Variants in PTPN2 observed in about 807,000 individuals in gnomAD.
The protein encoded by PTPN2 is tyrosine-protein phosphatase non-receptor type 2.
Under a neutral mutation model 57.3 loss-of-function variants are expected in PTPN2, and 19 were observed. The observed-to-expected ratio is 0.33, with a 90% CI of 0.23 to 0.49. PTPN2 has a LOEUF of 0.49. PTPN2 is among the 20% of genes least tolerant of loss of function. The pLI is 0.99. For missense variants in PTPN2, 358 were observed against 501.1 expected (o/e 0.71, Z 2.73); for synonymous variants, 153 against 164.9 (o/e 0.93, Z 0.55).
chr18:12,875,243 T>C lies in PTPN2; in HGVS notation c.69+8830A>G, dbSNP rs1381165581. ...ACTTGTTTATCTGCTGACCTTCCCT[T>C]CACTATTGTCCTATGACCCTGCCAA... On this transcript the variant is annotated intron_variant, in intron 1 of 8. Coordinates refer to ENST00000309660, the MANE Select transcript of PTPN2 (RefSeq NM_002828.4). Among the ~76,000 whole-genome samples, 55 of 151,938 alleles carry C rather than the reference T, an allele frequency of 3.6e-4. 1 individual carries two copies. Among genetic ancestry groups the C allele is most frequent in the Middle Eastern group, 3.4e-3 (1 of 292 alleles).
intron 1 of PTPN2, among the ~76,000 whole-genome samples, chr18:12,874,585 G>T (rs1217394804): frequency 7.7e-6 from 1 of 129,300 alleles, no homozygotes; most frequent in African/African-American, 2.9e-5. Flanking sequence ...GGAGGGAGGT[G>T]GGGGGTTCAG....
chr18:12,875,117 G>C lies in PTPN2; in HGVS notation c.69+8956C>G, dbSNP rs183417808. ...ACAGATGCTTGAAGGCAGCATGCTCGTTAACAGTCATCACCACTCCCTAAT... is the reference window on the plus strand; with the variant it reads ...ACAGATGCTTGAAGGCAGCATGCTCCTTAACAGTCATCACCACTCCCTAAT... On this transcript the variant is annotated intron_variant, in intron 1 of 8. Coordinates refer to ENST00000309660, the MANE Select transcript of PTPN2 (RefSeq NM_002828.4). Among the ~76,000 whole-genome samples the C allele has an allele frequency of 7.2e-5, 11 of 152,146 alleles. No homozygotes were observed. In the East Asian group the frequency reaches 1.3e-3, roughly 19 times the overall value.
intron 1 of PTPN2, chr18:12,862,081 T>C (rs2043827434): frequency 2.0e-5 from 3 of 152,110 alleles, no homozygotes; most frequent in Non-Finnish European, 4.4e-5. Flanking sequence ...TCAGTGAACT[T>C]ACAAGAACCA....
intron 1 of PTPN2, among the ~76,000 whole-genome samples, chr18:12,870,361 ATGTG>A (rs1366680314): frequency 2.5e-5 from 1 of 40,536 alleles, no homozygotes; most frequent in Non-Finnish European, 4.2e-5. Flanking sequence ...GTGTATATAT[ATGTG>A]TATATATACA....
chr18:12,870,321 GTA>G (rs555618476), intron 1 of PTPN2, among the ~76,000 whole-genome samples: 420 of 40,974 alleles, frequency 0.01, 74 homozygotes, highest in African/African-American at 0.054. Flanking sequence ...ATATATATGT[GTA>G]TATATATGTA....
chr18:12,792,870 C>G lies in PTPN2; in HGVS notation c.*1408G>C, dbSNP rs2041026233. 1.0e-6 allele frequency: 1 copy of G among 954,970 alleles called. No homozygotes were observed. The highest frequency in any genetic ancestry group is 1.8e-5 in the African/African-American group (1 of 56,524). The allele number at this position is 954,970 out of a possible 1,614,324, so 59.2% of individuals were successfully genotyped here. ...CCTCCCAAAGTGCTGGGATTACAGGCATGAGCCACCGCGCCCGACCAAACT... is the reference window on the plus strand; with the variant it reads ...CCTCCCAAAGTGCTGGGATTACAGGGATGAGCCACCGCGCCCGACCAAACT... On this transcript the variant is annotated 3_prime_UTR_variant, in exon 9 of 9. Transcript: ENST00000309660.
intron 1 of PTPN2, 99 bp downstream of exon 1, chr18:12,883,974 A>AGAGGCGAGAGGCGGGG (rs1227581985): frequency 3.8e-5 from 41 of 1,068,044 alleles, no homozygotes; most frequent in South Asian, 1.5e-4. Context: ...GCGAGAGGCT[A>AGAGGCGAGAGGCGGGG]GAGGCGAGAG....
chr18:12,868,560 T>G (rs769132523), intron 1 of PTPN2, among the ~76,000 whole-genome samples: 6 of 150,268 alleles, frequency 4.0e-5, no homozygotes, highest in Non-Finnish European at 8.9e-5. Flanking sequence ...TCATTTGTCA[T>G]AGTTTTCTAC....
Position 12,794,075 on chromosome 18 carries a change from C to G in PTPN2, c.*203G>C. The stretch of plus-strand genomic sequence containing the variant: ...CATGAATGTCTTTATTTTAGACAGC[C>G]ATTTACAGTTTGGGGTTCAGAGGAA... On this transcript the variant is annotated 3_prime_UTR_variant, in exon 9 of 9. Transcript: ENST00000309660. 1 of 1,423,528 alleles carries G rather than the reference C, an allele frequency of 7.0e-7. No homozygotes were observed. The highest frequency in any genetic ancestry group is 9.1e-7 in the Non-Finnish European group (1 of 1,095,418). The allele number at this position is 1,423,528 out of a possible 1,614,324, so 88.2% of individuals were successfully genotyped here.
chr18:12,798,390 C>T (rs1250929504), intron 8 of PTPN2, among the ~76,000 whole-genome samples: 1 of 152,020 alleles, frequency 6.6e-6, no homozygotes, highest in Non-Finnish European at 1.5e-5. Flanking sequence ...AGTTATTTTT[C>T]CTGATTGTCC....
At chr18:12,807,606 A>ATATATATATATATATATATATAT in intron 7 of PTPN2, among the ~76,000 whole-genome samples, 1 of 92,198 alleles carries the variant, frequency 1.1e-5, no homozygotes, top group South Asian at 5.0e-4. Context: ...TATATATATA[A>ATATATATATATATATATATATAT]TATAATACTA....
chr18:12,852,660 C>T (rs2043439148), intron 2 of PTPN2, among the ~76,000 whole-genome samples: 1 of 152,212 alleles, frequency 6.6e-6, no homozygotes, highest in African/African-American at 2.4e-5. Flanking sequence ...GGACTACAAT[C>T]ATGAGCTGCT....
At chr18:12,785,912 C>A (rs763006926) in intron 9 of PTPN2, 12 of 1,321,438 alleles carry the variant, frequency 9.1e-6, no homozygotes, top group Admixed American at 8.7e-5. Context: ...AACATAGATG[C>A]ACACAAACAT....
intron 2 of PTPN2, among the ~76,000 whole-genome samples, chr18:12,844,253 A>G (rs1394474750): frequency 1.3e-5 from 2 of 152,240 alleles, no homozygotes; most frequent in Non-Finnish European, 2.9e-5. Flanking sequence ...TCATGCACAC[A>G]CTTTTGTGTG....
chr18:12,876,613 C>G (rs887381533), intron 1 of PTPN2, among the ~76,000 whole-genome samples: 5 of 152,214 alleles, frequency 3.3e-5, no homozygotes, highest in African/African-American at 1.2e-4. Flanking sequence ...AATATGATTT[C>G]TAGGTATACA....
chr18:12,877,205 C>T (rs982264656), intron 1 of PTPN2, among the ~76,000 whole-genome samples: 8 of 151,918 alleles, frequency 5.3e-5, no homozygotes, highest in Admixed American at 2.6e-4. Context: ...TTTCAGGTCC[C>T]GTAGGTAGGT....
chr18:12,867,592 T>G (rs2044037111), intron 1 of PTPN2, among the ~76,000 whole-genome samples: 1 of 151,948 alleles, frequency 6.6e-6, no homozygotes, highest in Non-Finnish European at 1.5e-5. Context: ...TGGGTTAGCT[T>G]CTCCATTTGA....
At chr18:12,869,530 A>G (rs1167583524) in intron 1 of PTPN2, among the ~76,000 whole-genome samples, 3 of 139,840 alleles carry the variant, frequency 2.1e-5, no homozygotes, top group Non-Finnish European at 2.9e-5. Flanking sequence ...TGAAATAGTT[A>G]TAATATTTTA....
In PTPN2 at chr18:12,817,162, A is replaced by G. The variant is rs896467486; in HGVS notation, c.699T>C (p.Leu233=). The G allele has an allele frequency of 6.2e-7, 1 of 1,612,804 alleles. No homozygotes were observed. Among genetic ancestry groups the G allele is most frequent in the African/African-American group, 1.3e-5 (1 of 74,968 alleles). Residue 233 remains leucine (L), a synonymous_variant, in exon 6 of 9, where the codon CTT becomes CTC. Transcript: ENST00000309660. Reference sequence around the variant, plus strand: ...GATCGTAAGAAGCACTTACCAAAACAAGACAAGTGTCTACCAGAGAGAAGG... The same window carrying G: ...GATCGTAAGAAGCACTTACCAAAACGAGACAAGTGTCTACCAGAGAGAAGG... ...SGTFSLVDTC[L]VLMEKGDDIN...
Sources: gnomAD v4.1 joint callset for allele counts (sites outside exome capture counted in the v4.1 genomes callset) on GRCh38, gnomAD v4.1.1 for gene constraint, MANE v1.5 for transcripts, NCBI Gene and HGNC (gene_info 2026-07-23, HGNC 2026-07-21) for gene names.